Variants in VHL observed in about 807,000 individuals in gnomAD.
The protein encoded by VHL is von Hippel-Lindau tumor suppressor, also known as von Hippel-Lindau disease tumor suppressor.
In VHL, 10 loss-of-function variants were observed where a neutral mutation model predicts 19.2. That is an observed-to-expected ratio of 0.52 (90% confidence interval 0.32 to 0.89). The LOEUF (loss-of-function observed/expected upper bound fraction) is 0.89, where lower values mean the gene tolerates loss of function less well. Ranked by LOEUF, VHL falls within the 40% of genes least tolerant of loss-of-function variation. VHL has a pLI of 0.03. For synonymous variants in VHL, 167 were observed against 129.5 expected, an observed-to-expected ratio of 1.29 and a Z score of -1.97; for missense variants, 328 against 292.7, an observed-to-expected ratio of 1.12 and a Z score of -0.88.
In VHL at chr3:10,151,246, A is replaced by G. The variant is rs886057717; in HGVS notation, c.*1281A>G. Reference sequence around the variant, plus strand: ...CCACCTCCAGCCTCTGGTCCTACCAATGGATTCATGGAGTAGCCTGGACTG... The same window carrying G: ...CCACCTCCAGCCTCTGGTCCTACCAGTGGATTCATGGAGTAGCCTGGACTG... On this transcript the variant is annotated 3_prime_UTR_variant, in exon 3 of 3. Coordinates refer to ENST00000256474, the MANE Select transcript of VHL (RefSeq NM_000551.4). 11 of 205,338 alleles carry G rather than the reference A, an allele frequency of 5.4e-5. No individual in the cohort carries two copies. The highest frequency in any genetic ancestry group is 3.0e-4 in the Admixed American group (5 of 16,808). The allele number at this position is 205,338 out of a possible 1,614,324, so 12.7% of individuals were successfully genotyped here.
In VHL at chr3:10,151,137, C is replaced by T. The variant is rs528852958; in HGVS notation, c.*1172C>T. The T allele has an allele frequency of 2.9e-4, 54 of 189,046 alleles. No individual in the cohort carries two copies. Among genetic ancestry groups the T allele is most frequent in the Non-Finnish European group, 5.0e-4 (45 of 89,992 alleles). 11.7% of individuals were successfully genotyped at this position (189,046 alleles called of 1,614,324 possible). A position where few individuals can be genotyped will look rare whatever the true frequency, so the allele number is the denominator to read the frequency against. Reference sequence around the variant, plus strand: ...TCAGGTGATCCGCCCACCTCAGCCTCCCAAAATGGTGGGATTACAGGTGTG... The same window carrying T: ...TCAGGTGATCCGCCCACCTCAGCCTTCCAAAATGGTGGGATTACAGGTGTG... On this transcript the variant is annotated 3_prime_UTR_variant, in exon 3 of 3. Coordinates refer to ENST00000256474, the MANE Select transcript of VHL (RefSeq NM_000551.4).
In VHL at chr3:10,149,875, C is replaced by T. The variant is rs779157605; in HGVS notation, c.552C>T (p.Leu184=). The change falls in exon 3 of 3, where the codon CTC becomes CTT. Residue 184 remains leucine (L), a synonymous_variant. Coordinates refer to ENST00000256474, the MANE Select transcript of VHL (RefSeq NM_000551.4). ...NYRRLDIVRS[L]YEDLEDHPNV... The stretch of plus-strand genomic sequence containing the variant: ...GGAGACTGGACATCGTCAGGTCGCT[C>T]TACGAAGATCTGGAAGACCACCCAA... The T allele has an allele frequency of 3.8e-5, 62 of 1,614,026 alleles. No homozygotes were observed. Among genetic ancestry groups the T allele is most frequent in the Non-Finnish European group, 5.1e-5 (60 of 1,180,048 alleles).
At chr3:10,146,034 T>C (rs1418329872) in intron 1 of VHL, among the ~76,000 whole-genome samples, 3 of 152,124 alleles carry the variant, frequency 2.0e-5, no homozygotes, top group African/African-American at 7.2e-5. Context: ...CATCTGTAAA[T>C]GGATCTGTTG....
rs765610126 is a variant in VHL, at chr3:10,149,987, C to T, written c.*22C>T. On this transcript the variant is annotated 3_prime_UTR_variant, in exon 3 of 3. Coordinates refer to ENST00000256474, the MANE Select transcript of VHL (RefSeq NM_000551.4). ...TTGAAGATTTCTGTTGAAACTTACA[C>T]TGTTTCATCTCAGCTTTTGATGGTA... 4 of 1,607,402 alleles carry T rather than the reference C, an allele frequency of 2.5e-6. No homozygotes were observed. The South Asian group carries it at 4.4e-5, about 18-fold the overall frequency.
At chr3:10,149,761 T>A (rs2125130412) in intron 2 of VHL, 26 bp from the exon 3 acceptor site, 3 of 1,605,364 alleles carry the variant, frequency 1.9e-6, no homozygotes, top group East Asian at 2.2e-5. Context: ...AGTCTGCCAC[T>A]GAGGATTTGG....
rs1277368467 is a variant in VHL, at chr3:10,150,508, T to C, written c.*543T>C. 4 of 381,432 alleles carry C rather than the reference T, an allele frequency of 1.0e-5. No individual in the cohort carries two copies. The highest frequency in any genetic ancestry group is 5.2e-5 in the East Asian group (1 of 19,358). 23.6% of individuals were successfully genotyped at this position (381,432 alleles called of 1,614,324 possible). ...CAGAGGAACAAACCAGGGGACACTT[T>C]GTTAGAAAGTGCTTAGAGGTTCTGC... On this transcript the variant is annotated 3_prime_UTR_variant, in exon 3 of 3. Transcript: ENST00000256474.
chr3:10,146,173 C>CTTT (rs367615363), intron 1 of VHL, among the ~76,000 whole-genome samples: 5 of 131,558 alleles, frequency 3.8e-5, no homozygotes, highest in African/African-American at 1.2e-4. Context: ...CAGTCTGGCT[C>CTTT]TTTTTTTTTT....
chr3:10,151,895 C>G lies in VHL; in HGVS notation c.*1930C>G. 1 of 185,444 alleles carries G rather than the reference C, an allele frequency of 5.4e-6. No individual in the cohort carries two copies. Among genetic ancestry groups the G allele is most frequent in the Non-Finnish European group, 1.1e-5 (1 of 87,938 alleles). 11.5% of individuals were successfully genotyped at this position (185,444 alleles called of 1,614,324 possible). A position where few individuals can be genotyped will look rare whatever the true frequency, so the allele number is the denominator to read the frequency against. ...GCCTGGGCTCATAGTGAGAACCCAT[C>G]TATACAAAAAATTTTTAAAAATTAG... On this transcript the variant is annotated 3_prime_UTR_variant, in exon 3 of 3. Coordinates refer to ENST00000256474, the MANE Select transcript of VHL (RefSeq NM_000551.4).
rs786202857 is a variant in VHL at position 10,142,056 on chromosome 3, A to G, written c.209A>G (p.Glu70Gly). 3 of 1,606,538 alleles carry G rather than the reference A, an allele frequency of 1.9e-6. No homozygotes were observed. In the Admixed American group the frequency reaches 5.0e-5, roughly 27 times the overall value. ...RPVLRSVNSR[E>G]PSQVIFCNRS... The stretch of plus-strand genomic sequence containing the variant: ...GTGCTGCGCTCGGTGAACTCGCGCG[A>G]GCCCTCCCAGGTCATCTTCTGCAAT... Residue 70 changes from glutamate (E) to glycine (G), a missense_variant, in exon 1 of 3, where the codon GAG (glutamate) becomes GGG (glycine). Coordinates refer to ENST00000256474, the MANE Select transcript of VHL (RefSeq NM_000551.4).
At chr3:10,144,146 A>G (rs1310321860) in intron 1 of VHL, among the ~76,000 whole-genome samples, 1 of 152,188 alleles carries the variant, frequency 6.6e-6, no homozygotes, top group East Asian at 1.9e-4. Context: ...TTTTACTCCA[A>G]AATTTTTCTG....
Position 10,141,981 on chromosome 3 carries a change from C to T in VHL, c.134C>T (p.Pro45Leu), listed in dbSNP as rs199583685. 1.3e-6 allele frequency: 2 copies of T among 1,566,202 alleles called. No homozygotes were observed. Among genetic ancestry groups the T allele is most frequent in the East Asian group, 4.8e-5 (2 of 42,008 alleles). Residue 45 changes from proline (P) to leucine (L), a missense_variant, in exon 1 of 3, where the codon CCG becomes CTG. By Grantham distance (98) the Pro-to-Leu change is moderately conservative (BLOSUM62 -3). Coordinates refer to ENST00000256474, the MANE Select transcript of VHL (RefSeq NM_000551.4). ...GAGTCCGGCCCGGAAGAGTCCGGCC[C>T]GGAGGAACTGGGCGCCGAGGAGGAG... ...AEESGPEESG[P>L]EELGAEEEME...
chr3:10,149,598 C>T (rs150227618), intron 2 of VHL, among the ~76,000 whole-genome samples, 189 bp from the exon 3 acceptor site: 5 of 152,298 alleles, frequency 3.3e-5, no homozygotes, highest in Admixed American at 6.5e-5. Flanking sequence ...ACTACAGAGG[C>T]ATGAACACCA....
intron 1 of VHL, 22 bp downstream of exon 1, chr3:10,142,209 C>T (rs2125125459): frequency 6.3e-7 from 1 of 1,593,100 alleles, no homozygotes; most frequent in Middle Eastern, 1.7e-4. Context: ...GCGCTTAGGC[C>T]CGACCCAGCA....
At position 10,142,096 on chromosome 3, in the gene VHL, C is replaced by T. The variant is rs1271292937; in HGVS notation, c.249C>T (p.Val83=). The T allele has an allele frequency of 1.9e-6, 3 of 1,604,050 alleles. No homozygotes were observed. The highest frequency in any genetic ancestry group is 2.5e-6 in the Non-Finnish European group (3 of 1,179,696). The part of the protein sequence containing the change: ...QVIFCNRSPR[V]VLPVWLNFDG... ...TCTTCTGCAATCGCAGTCCGCGCGT[C>T]GTGCTGCCCGTATGGCTCAACTTCG... Residue 83 remains valine, a synonymous_variant, in exon 1 of 3, where the codon GTC becomes GTT. Transcript: ENST00000256474.
At chr3:10,147,944 T>A (rs1696303965) in intron 2 of VHL, among the ~76,000 whole-genome samples, 1 of 151,878 alleles carries the variant, frequency 6.6e-6, no homozygotes, top group African/African-American at 2.4e-5. Context: ...AATTTTTTTT[T>A]AATTACCTGG....
intron 2 of VHL, among the ~76,000 whole-genome samples, chr3:10,148,535 C>T (rs974264331): frequency 3.2e-4 from 48 of 151,278 alleles, no homozygotes; most frequent in Non-Finnish European, 1.3e-4. Flanking sequence ...GGGATGGTCT[C>T]GATCTCCTGA....
In VHL at chr3:10,150,103, A is replaced by G. The variant is rs747517538; in HGVS notation, c.*138A>G. 2 of 1,528,314 alleles carry G rather than the reference A, an allele frequency of 1.3e-6. No homozygotes were observed. Among genetic ancestry groups the G allele is most frequent in the Non-Finnish European group, 1.8e-6 (2 of 1,137,456 alleles). 94.7% of individuals were successfully genotyped at this position (1,528,314 alleles called of 1,614,324 possible). A position where few individuals can be genotyped will look rare whatever the true frequency, so the allele number is the denominator to read the frequency against. ...AGTAAAATAGGCACCATTGCTTAAAAGAAAGTTAACTGACTTCACTAGGCA... is the reference window on the plus strand; with the variant it reads ...AGTAAAATAGGCACCATTGCTTAAAGGAAAGTTAACTGACTTCACTAGGCA... On this transcript the variant is annotated 3_prime_UTR_variant, in exon 3 of 3. Coordinates refer to ENST00000256474, the MANE Select transcript of VHL (RefSeq NM_000551.4).
rs863224839 is a variant in VHL, at chr3:10,141,955, G to GGAGTCCGGCCCGGAA, written c.123_137dup (p.Ser43_Glu47dup). On this transcript the variant is annotated inframe_insertion, in exon 1 of 3. Coordinates refer to ENST00000256474, the MANE Select transcript of VHL (RefSeq NM_000551.4). ...ACGGCGGGGAGGAGTCGGGCGCCGA[G>GGAGTCCGGCCCGGAA]GAGTCCGGCCCGGAAGAGTCCGGCC... 9.7e-6 allele frequency: 15 copies of GGAGTCCGGCCCGGAA among 1,546,858 alleles called. No homozygotes were observed. Among genetic ancestry groups the GGAGTCCGGCCCGGAA allele is most frequent in the Admixed American group, 5.9e-5 (3 of 50,690 alleles).
intron 2 of VHL, among the ~76,000 whole-genome samples, chr3:10,148,767 G>A (rs1467933415): frequency 6.7e-6 from 1 of 148,962 alleles, no homozygotes; most frequent in African/African-American, 2.5e-5. Flanking sequence ...TGCAACCTCT[G>A]CCTCTCGGGT....
Sources: gnomAD v4.1 joint callset for allele counts (sites outside exome capture counted in the v4.1 genomes callset) on GRCh38, gnomAD v4.1.1 for gene constraint, MANE v1.5 for transcripts, NCBI Gene and HGNC (gene_info 2026-07-23, HGNC 2026-07-21) for gene names.